VOPP1: variants seen among roughly 807,000 people sequenced by gnomAD.
VOPP1 encodes the protein WW domain binding protein VOPP1.
In VOPP1, 8 loss-of-function variants were observed where a neutral mutation model predicts 23.5. That is an observed-to-expected ratio of 0.34 (90% CI 0.20 to 0.61). The LOEUF (loss-of-function observed/expected upper bound fraction) is 0.61, where lower values mean the gene tolerates loss of function less well. Among genes scored for constraint, VOPP1 ranks in the 20% least tolerant of loss-of-function variants. The pLI is 0.78. For missense variants in VOPP1, 174 were observed against 238.1 expected (o/e 0.73, Z 1.77); for synonymous variants, 83 against 97.3 (o/e 0.85, Z 0.86).
intron 2 of VOPP1, chr7:55,516,133 T>A: frequency 2.1e-6 from 1 of 468,790 alleles, no homozygotes; most frequent in Non-Finnish European, 2.8e-6. Flanking sequence ...AGCAGACACC[T>A]AGTAAGCCCT....
intron 2 of VOPP1, among the ~76,000 whole-genome samples, chr7:55,516,626 T>C (rs117244869): frequency 2.0e-5 from 3 of 152,106 alleles, no homozygotes; most frequent in Non-Finnish European, 4.4e-5. Flanking sequence ...TGAAATCAGA[T>C]TATCAAATAT....
At chr7:55,489,551 C>G (rs890907852) in intron 4 of VOPP1, among the ~76,000 whole-genome samples, 1 of 152,156 alleles carries the variant, frequency 6.6e-6, no homozygotes, top group Admixed American at 6.5e-5. Flanking sequence ...AAAGCTCACA[C>G]GGGTGCTGGA....
chr7:55,560,601 G>A (rs1376378981), intron 1 of VOPP1, among the ~76,000 whole-genome samples: 1 of 152,132 alleles, frequency 6.6e-6, no homozygotes, highest in Non-Finnish European at 1.5e-5. Context: ...CTTGAATTGA[G>A]CCCACTGAGA....
chr7:55,455,466 T>C (rs900012201), intron 4 of VOPP1, among the ~76,000 whole-genome samples: 6 of 152,176 alleles, frequency 3.9e-5, no homozygotes, highest in Non-Finnish European at 7.3e-5. Context: ...CAATTTCATA[T>C]GGAACCAAAA....
chr7:55,450,454 C>T (rs537446083), intron 4 of VOPP1, among the ~76,000 whole-genome samples: 14 of 152,100 alleles, frequency 9.2e-5, no homozygotes, highest in Non-Finnish European at 1.6e-4. Flanking sequence ...TGAAATGTGG[C>T]CACTCCAAGT....
At chr7:55,506,171 C>A (rs748993317) in intron 2 of VOPP1, among the ~76,000 whole-genome samples, 20 of 152,210 alleles carry the variant, frequency 1.3e-4, no homozygotes, top group Non-Finnish European at 2.2e-4. Flanking sequence ...TGTCTCTGGG[C>A]ACACTGGTGC....
intron 1 of VOPP1, among the ~76,000 whole-genome samples, chr7:55,568,273 C>G (rs1261693432): frequency 1.3e-5 from 2 of 151,940 alleles, no homozygotes; most frequent in African/African-American, 2.4e-5. Context: ...TAGAGATGGG[C>G]TTTCACCGTG....
intron 1 of VOPP1, among the ~76,000 whole-genome samples, chr7:55,554,051 T>C (rs1397971611): frequency 6.6e-6 from 1 of 152,220 alleles, no homozygotes; most frequent in African/African-American, 2.4e-5. Context: ...CCATCCTTCA[T>C]GGTTGCCAAA....
chr7:55,556,372 A>G (rs974916287), intron 1 of VOPP1, among the ~76,000 whole-genome samples: 1 of 152,212 alleles, frequency 6.6e-6, no homozygotes, highest in Non-Finnish European at 1.5e-5. Flanking sequence ...CCACTTCTGG[A>G]TTCCATGAGC....
chr7:55,499,580 C>A (rs815956), intron 2 of VOPP1, among the ~76,000 whole-genome samples: 99,519 of 152,098 alleles, frequency 0.65, 33,050 homozygotes, highest in Admixed American at 0.72. Flanking sequence ...CTGTGTTAGA[C>A]AGTAATAAGT....
chr7:55,513,085 T>C (rs1481046863), intron 2 of VOPP1, among the ~76,000 whole-genome samples: 4 of 152,068 alleles, frequency 2.6e-5, no homozygotes, highest in African/African-American at 2.4e-5. Flanking sequence ...AAAAAGAAGC[T>C]TCACGCTCCA....
rs374808762 is a variant in VOPP1 at position 55,492,378 on chromosome 7, C to T, written c.232G>A (p.Gly78Ser). ...TACATGCGCCTCCGGATGAAGAAGC[C>T]GGCTCCGCAGCAGAAAAGCACGCCC... ...MMGVLFCCGAGFFIRRRMYPP... is the reference protein window; with the variant it reads ...MMGVLFCCGASFFIRRRMYPP... The change falls in exon 4 of 5, where the codon GGC becomes AGC. Residue 78 changes from glycine to serine, a missense_variant. Physicochemically the swap from Gly to Ser is moderately conservative, Grantham distance 56. Transcript: ENST00000285279. The T allele has an allele frequency of 1.2e-5, 20 of 1,609,916 alleles. No individual in the cohort carries two copies. The highest frequency in any genetic ancestry group is 8.0e-5 in the African/African-American group (6 of 74,804).
At chr7:55,501,976 C>G (rs1794402535) in intron 2 of VOPP1, among the ~76,000 whole-genome samples, 1 of 152,206 alleles carries the variant, frequency 6.6e-6, no homozygotes, top group South Asian at 2.1e-4. Flanking sequence ...ATACTTGGGT[C>G]CCTCCAATGC....
At chr7:55,473,564 G>C (rs1452313544) in intron 4 of VOPP1, among the ~76,000 whole-genome samples, 1 of 152,166 alleles carries the variant, frequency 6.6e-6, no homozygotes, top group Non-Finnish European at 1.5e-5. Flanking sequence ...ACGCTCCATG[G>C]GTCAGGAGCG....
At chr7:55,489,639 T>C (rs1030093387) in intron 4 of VOPP1, among the ~76,000 whole-genome samples, 1 of 152,062 alleles carries the variant, frequency 6.6e-6, no homozygotes, top group African/African-American at 2.4e-5. Context: ...CCTCAGCAGG[T>C]GTGCAGTAAA....
downstream of VOPP1, chr7:55,470,588 C>T (rs1791754439): frequency 6.6e-6 from 1 of 152,252 alleles, no homozygotes; most frequent in South Asian, 2.1e-4. Context: ...CTTTCCCACT[C>T]CCCCAACAAA....
At chr7:55,532,679 GCAATCTGAGGGAGGCTC>G (rs372132040) in intron 1 of VOPP1, among the ~76,000 whole-genome samples, 51 of 152,218 alleles carry the variant, frequency 3.4e-4, no homozygotes, top group Middle Eastern at 6.8e-3. Context: ...ACAGCTCAAA[GCAATCTGAGGGAGGCTC>G]CTCCCCTTTC....
chr7:55,499,224 A>G (rs815955), intron 2 of VOPP1, among the ~76,000 whole-genome samples: 136,165 of 152,058 alleles, frequency 0.9, 61,131 homozygotes, highest in African/African-American at 0.92. Context: ...AGGCCAAGGC[A>G]GGTGGACCAC....
chr7:55,565,459 A>T (rs1452089089), intron 1 of VOPP1, among the ~76,000 whole-genome samples: 1 of 152,240 alleles, frequency 6.6e-6, no homozygotes, highest in African/African-American at 2.4e-5. Flanking sequence ...CATGTTTGTT[A>T]ATCAGTTGGA....
Sources: allele counts gnomAD v4.1 joint callset (sites outside exome capture counted in the v4.1 genomes callset), GRCh38; gene constraint gnomAD v4.1.1; transcripts MANE v1.5; gene names NCBI Gene and HGNC (gene_info 2026-07-23, HGNC 2026-07-21).